Variants in GRM5 observed in about 807,000 individuals in gnomAD.
The protein encoded by GRM5 is metabotropic glutamate receptor 5.
GRM5 carries 19 observed loss-of-function variants against 83.1 expected under a neutral mutation model. The observed-to-expected ratio is 0.23, with a 90% CI of 0.16 to 0.34. GRM5 has a LOEUF of 0.34. Ranked by LOEUF, GRM5 falls within the 10% of genes least tolerant of loss-of-function variation. The probability of loss-of-function intolerance (pLI) is 1.00; values close to 1 mark genes in which losing one functional copy is unlikely to be tolerated. For synonymous variants in GRM5, 675 were observed against 633.6 expected, an observed-to-expected ratio of 1.07 and a Z score of -0.98; for missense variants, 1,160 against 1,588.3, an observed-to-expected ratio of 0.73 and a Z score of 4.58.
intron 4 of GRM5, among the ~76,000 whole-genome samples, chr11:88,626,911 G>C (rs7925184): frequency 0.99 from 151,540 of 152,328 alleles, 75,387 homozygotes; most frequent in East Asian, 1. Context: ...GGAAAATGAG[G>C]CTTCACCAGA....
chr11:88,824,000 T>C lies in GRM5; in HGVS notation c.911+25906A>G, dbSNP rs574273513. Among the ~76,000 whole-genome samples the C allele has an allele frequency of 1.1e-4, 16 of 152,292 alleles. No individual in the cohort carries two copies. In the East Asian group the frequency reaches 2.9e-3, roughly 28 times the overall value. ...TAACTGCTATCACAGATTTCCGAGC[T>C]TTTGGAAGGTTCTATACTGCATATT... On this transcript the variant is annotated intron_variant, in intron 3 of 9. Transcript: ENST00000305447.
At chr11:88,734,976 A>C in intron 3 of GRM5, among the ~76,000 whole-genome samples, 1 of 152,048 alleles carries the variant, frequency 6.6e-6, no homozygotes, top group East Asian at 1.9e-4. Context: ...AACATATTAA[A>C]ATAAATAAGT....
chr11:88,913,590 T>C (rs866908250), intron 2 of GRM5, among the ~76,000 whole-genome samples: 35 of 140,798 alleles, frequency 2.5e-4, no homozygotes, highest in East Asian at 4.1e-4. Flanking sequence ...TCTCTCTCTT[T>C]TTTTTTTTTT....
At chr11:88,586,107 TACAC>T (rs140549003) in intron 7 of GRM5, among the ~76,000 whole-genome samples, 2,042 of 150,560 alleles carry the variant, frequency 0.014, 47 homozygotes, top group African/African-American at 0.047. Flanking sequence ...CATACATGTT[TACAC>T]ACACACACAC....
intron 8 of GRM5, among the ~76,000 whole-genome samples, chr11:88,533,372 C>A (rs576590359): frequency 7.9e-5 from 12 of 152,262 alleles, no homozygotes; most frequent in African/African-American, 2.9e-4. Flanking sequence ...TCAAAGCTTA[C>A]TTCTTTCAAA....
intron 3 of GRM5, among the ~76,000 whole-genome samples, chr11:88,846,415 G>T (rs1944304278): frequency 6.6e-6 from 1 of 152,148 alleles, no homozygotes; most frequent in African/African-American, 2.4e-5. Flanking sequence ...ATTTTTATTG[G>T]CAATGAGACA....
chr11:88,566,880 C>T (rs1942887332), intron 8 of GRM5, among the ~76,000 whole-genome samples, 173 bp downstream of exon 8: 1 of 151,992 alleles, frequency 6.6e-6, no homozygotes, highest in Admixed American at 6.6e-5. Flanking sequence ...GTAATTGGAC[C>T]CACATCCCAT....
At chr11:88,860,297 G>A (rs544827219) in intron 2 of GRM5, among the ~76,000 whole-genome samples, 1 of 152,220 alleles carries the variant, frequency 6.6e-6, no homozygotes, top group East Asian at 1.9e-4. Context: ...TAAGCTTCCA[G>A]AATTCAACTT....
chr11:88,723,856 T>C (rs1267208160), intron 3 of GRM5, among the ~76,000 whole-genome samples: 3 of 152,122 alleles, frequency 2.0e-5, no homozygotes, highest in Non-Finnish European at 4.4e-5. Context: ...TTTTTATTTA[T>C]TTATTCCTTA....
chr11:89,012,852 T>A (rs1195999454), intron 2 of GRM5, among the ~76,000 whole-genome samples: 1 of 152,260 alleles, frequency 6.6e-6, no homozygotes, highest in Non-Finnish European at 1.5e-5. Context: ...AATAGTTTCC[T>A]AAATTCACTC....
chr11:88,797,231 C>A (rs1466306293), intron 3 of GRM5, among the ~76,000 whole-genome samples: 1 of 151,988 alleles, frequency 6.6e-6, no homozygotes, highest in East Asian at 1.9e-4. Context: ...CTCACTGCAA[C>A]CTCCGCCTCC....
At chr11:88,520,223 C>A (rs1565321913) in intron 9 of GRM5, among the ~76,000 whole-genome samples, 1 of 152,002 alleles carries the variant, frequency 6.6e-6, no homozygotes, top group Non-Finnish European at 1.5e-5. Flanking sequence ...GTTACTAATT[C>A]TTCTTCTTCT....
chr11:88,805,985 C>G (rs759250489), intron 3 of GRM5, among the ~76,000 whole-genome samples: 1 of 152,162 alleles, frequency 6.6e-6, no homozygotes, highest in Non-Finnish European at 1.5e-5. Context: ...CTTCCAGAGG[C>G]AGCTGTCAAG....
intron 3 of GRM5, among the ~76,000 whole-genome samples, chr11:88,819,142 G>A (rs929959053): frequency 6.6e-6 from 1 of 152,204 alleles, no homozygotes; most frequent in Non-Finnish European, 1.5e-5. Context: ...AGTCCTAATA[G>A]AGTGGAAAGA....
chr11:88,951,508 G>A (rs1183790612), intron 2 of GRM5, among the ~76,000 whole-genome samples: 1 of 152,164 alleles, frequency 6.6e-6, no homozygotes, highest in Non-Finnish European at 1.5e-5. Flanking sequence ...TCCTGTGTTT[G>A]CTTTTCCAAT....
rs914786231 is a variant in GRM5 at position 88,632,638 on chromosome 11, G to GT, written c.1147+20529dup. Among the ~76,000 whole-genome samples, 3 of 152,084 alleles carry GT rather than the reference G, an allele frequency of 2.0e-5. No homozygotes were observed. The South Asian group carries it at 6.2e-4, about 32-fold the overall frequency. ...CTTTCACCTGTTGGTGAATATTTAG[G>GT]TTTTTTGGCGTTTGAGCTATTACAA... On this transcript the variant is annotated intron_variant, in intron 4 of 9. Transcript: ENST00000305447.
chr11:88,897,653 A>G (rs1007060626), intron 2 of GRM5, among the ~76,000 whole-genome samples: 2 of 151,814 alleles, frequency 1.3e-5, no homozygotes, highest in African/African-American at 4.8e-5. Flanking sequence ...TTGAGGTCAG[A>G]GATGATGTCA....
At chr11:89,048,474 A>G (rs1173670476) in intron 1 of GRM5, among the ~76,000 whole-genome samples, 7 of 152,228 alleles carry the variant, frequency 4.6e-5, no homozygotes, top group Non-Finnish European at 1.0e-4. Flanking sequence ...GAAAGTGTGG[A>G]TAACTGTTGT....
At chr11:88,718,728 A>G (rs1420828514) in intron 3 of GRM5, among the ~76,000 whole-genome samples, 2 of 151,914 alleles carry the variant, frequency 1.3e-5, no homozygotes, top group Non-Finnish European at 2.9e-5. Context: ...ATACCTACAC[A>G]TTCTGCATGA....
Sources: allele counts gnomAD v4.1 joint callset (sites outside exome capture counted in the v4.1 genomes callset), GRCh38; gene constraint gnomAD v4.1.1; transcripts MANE v1.5; gene names NCBI Gene and HGNC (gene_info 2026-07-23, HGNC 2026-07-21).